Variants in UHRF2 observed in about 807,000 individuals in gnomAD.
UHRF2 encodes the protein E3 ubiquitin-protein ligase UHRF2.
In UHRF2, 23 loss-of-function variants were observed where a neutral mutation model predicts 96.8. The observed-to-expected ratio is 0.24, with a 90% confidence interval of 0.17 to 0.34. The LOEUF (loss-of-function observed/expected upper bound fraction) is 0.34. Ranked by LOEUF, UHRF2 falls within the 10% of genes least tolerant of loss-of-function variation. UHRF2 has a pLI of 1.00. For synonymous variants in UHRF2, 385 were observed against 332.6 expected, an observed-to-expected ratio of 1.16 and a Z score of -1.72; for missense variants, 685 against 981.5, an observed-to-expected ratio of 0.70 and a Z score of 4.04.
chr9:6,479,251 T>G (rs1441295242), intron 6 of UHRF2, among the ~76,000 whole-genome samples: 1 of 152,164 alleles, frequency 6.6e-6, no homozygotes, highest in Non-Finnish European at 1.5e-5. Context: ...TAGCTTTCCT[T>G]CCACTGTATC....
At chr9:6,449,017 T>C (rs567235000) in intron 3 of UHRF2, among the ~76,000 whole-genome samples, 15 of 152,334 alleles carry the variant, frequency 9.8e-5, no homozygotes, top group Non-Finnish European at 1.5e-4. Context: ...CAATTTTGTC[T>C]TTACCTTTAC....
intron 3 of UHRF2, among the ~76,000 whole-genome samples, chr9:6,456,305 C>A (rs2130833353): frequency 6.6e-6 from 1 of 152,138 alleles, no homozygotes; most frequent in East Asian, 1.9e-4. Flanking sequence ...AGCTTTTTTT[C>A]ATATGTTTGT....
chr9:6,487,616 C>T (rs568186839), intron 9 of UHRF2, among the ~76,000 whole-genome samples: 7 of 152,368 alleles, frequency 4.6e-5, no homozygotes, highest in African/African-American at 1.4e-4. Flanking sequence ...ATCCTCCCGC[C>T]TTGGCCTCCC....
chr9:6,451,002 A>G (rs1210825150), intron 3 of UHRF2, among the ~76,000 whole-genome samples: 3 of 152,198 alleles, frequency 2.0e-5, no homozygotes, highest in African/African-American at 7.2e-5. Flanking sequence ...TGATAGTTCC[A>G]ATTAAATTTA....
chr9:6,419,140 A>G (rs1213980327), intron 1 of UHRF2, among the ~76,000 whole-genome samples: 1 of 152,196 alleles, frequency 6.6e-6, no homozygotes, highest in Non-Finnish European at 1.5e-5. Flanking sequence ...ATTCTGAGGT[A>G]CTGGGGGTTA....
At chr9:6,451,475 TTTTG>T (rs1391751145) in intron 3 of UHRF2, among the ~76,000 whole-genome samples, 25 of 146,272 alleles carry the variant, frequency 1.7e-4, no homozygotes, top group Non-Finnish European at 1.9e-4. Flanking sequence ...TGTTTTTTTT[TTTTG>T]TTTGTTTGTT....
At chr9:6,471,148 A>G (rs1468813229) in intron 4 of UHRF2, among the ~76,000 whole-genome samples, 2 of 152,232 alleles carry the variant, frequency 1.3e-5, no homozygotes, top group Non-Finnish European at 2.9e-5. Context: ...ATATTACTAA[A>G]TTATCTAATT....
At position 6,489,737 on chromosome 9, in the gene UHRF2, T is replaced by G. The variant is rs954950692; in HGVS notation, c.1497+2812T>G. Among the ~76,000 whole-genome samples, 14 of 151,462 alleles carry G rather than the reference T, an allele frequency of 9.2e-5. 1 individual carries two copies. Among genetic ancestry groups the G allele is most frequent in the South Asian group, 4.2e-4 (2 of 4,816 alleles). On this transcript the variant is annotated intron_variant, in intron 9 of 15. Coordinates refer to ENST00000276893, the MANE Select transcript of UHRF2 (RefSeq NM_152896.3). The stretch of plus-strand genomic sequence containing the variant: ...TTCTAATTGGGTTTTTGTTTTTTTT[T>G]TTTTTTTTTACCATTCATCAGATAT...
rs1171978950 is a variant in UHRF2 at position 6,487,182 on chromosome 9, C to CTTTT, written c.1497+279_1497+282dup. Among the ~76,000 whole-genome samples, 621 of 69,642 alleles carry CTTTT rather than the reference C, an allele frequency of 8.9e-3. 23 individuals are homozygous for CTTTT. The highest frequency in any genetic ancestry group is 0.014 in the African/African-American group (214 of 15,550). 45.7% of individuals were successfully genotyped at this position (69,642 alleles called of 152,430 possible). A position where few individuals can be genotyped will look rare whatever the true frequency, so the allele number is the denominator to read the frequency against. ...TCTATAGAGCTTTTATTTTTTTTTC[C>CTTTT]TTTTTTTTTTTTTTTTTTTTTTTTT... is the stretch of plus-strand genomic sequence containing the variant. On this transcript the variant is annotated intron_variant, in intron 9 of 15. Transcript: ENST00000276893.
intron 3 of UHRF2, among the ~76,000 whole-genome samples, chr9:6,447,128 A>G (rs1821565129): frequency 6.6e-6 from 1 of 152,078 alleles, no homozygotes; most frequent in African/African-American, 2.4e-5. Flanking sequence ...TGACCTCATG[A>G]TCTGCCCGCT....
At position 6,506,044 on chromosome 9, in the gene UHRF2, G is replaced by A; in HGVS notation, c.2274G>A (p.Gln758=). 1 of 1,614,154 alleles carries A rather than the reference G, an allele frequency of 6.2e-7. No homozygotes were observed. Among genetic ancestry groups the A allele is most frequent in the Non-Finnish European group, 8.5e-7 (1 of 1,180,038 alleles). Residue 758 remains glutamine, a synonymous_variant, in exon 16 of 16, where the codon CAG becomes CAA. Coordinates refer to ENST00000276893, the MANE Select transcript of UHRF2 (RefSeq NM_152896.3). Reference sequence around the variant, plus strand: ...TGTTTTTACCATAGGATTGCCTACAGCGCTCCTTTAAGGCACAGGTTTTCT... The same window carrying A: ...TGTTTTTACCATAGGATTGCCTACAACGCTCCTTTAAGGCACAGGTTTTCT... ...CFHNVCKDCL[Q]RSFKAQVFSC...
intron 9 of UHRF2, among the ~76,000 whole-genome samples, chr9:6,493,263 A>C (rs1824774432): frequency 6.6e-6 from 1 of 152,006 alleles, no homozygotes; most frequent in South Asian, 2.1e-4. Context: ...GTGCCACCGC[A>C]CTCCAGCCTG....
intron 2 of UHRF2, 109 bp downstream of exon 2, chr9:6,421,251 G>T: frequency 1.2e-6 from 1 of 840,362 alleles, no homozygotes. Context: ...AGTAAAGATT[G>T]GGATGTTAAT....
At chr9:6,437,167 T>A (rs1242516666) in intron 3 of UHRF2, among the ~76,000 whole-genome samples, 5 of 152,218 alleles carry the variant, frequency 3.3e-5, no homozygotes, top group Non-Finnish European at 7.4e-5. Flanking sequence ...CAAGTTCTTC[T>A]TTGAATGGAG....
intron 4 of UHRF2, among the ~76,000 whole-genome samples, chr9:6,469,556 A>G (rs1327314445): frequency 6.6e-6 from 1 of 151,842 alleles, no homozygotes; most frequent in African/African-American, 2.4e-5. Context: ...AACAAATAAG[A>G]CACAGCAGAA....
At chr9:6,479,898 G>A (rs1036902249) in intron 6 of UHRF2, among the ~76,000 whole-genome samples, 2 of 151,908 alleles carry the variant, frequency 1.3e-5, no homozygotes, top group African/African-American at 2.4e-5. Context: ...CTTCTGTAAC[G>A]GATGTCTAAC....
chr9:6,419,118 A>G (rs1429352317), intron 1 of UHRF2, among the ~76,000 whole-genome samples: 2 of 152,204 alleles, frequency 1.3e-5, no homozygotes, highest in African/African-American at 4.8e-5. Context: ...CCCTATCTCA[A>G]AATGAAGTCA....
At chr9:6,481,545 C>T (rs1217051550) in intron 6 of UHRF2, 98 bp from the exon 7 acceptor site, 2 of 1,387,488 alleles carry the variant, frequency 1.4e-6, no homozygotes, top group Non-Finnish European at 2.0e-6. Flanking sequence ...CCAAATAATA[C>T]ATCTTAAAAC....
intron 1 of UHRF2, chr9:6,414,145 C>T (rs1405680979): frequency 1.3e-5 from 2 of 152,452 alleles, no homozygotes; most frequent in Non-Finnish European, 2.9e-5. Context: ...AGAATAAGAA[C>T]CCTAACTCTG....
Sources: gnomAD v4.1 joint callset for allele counts (sites outside exome capture counted in the v4.1 genomes callset) on GRCh38, gnomAD v4.1.1 for gene constraint, MANE v1.5 for transcripts, NCBI Gene and HGNC (gene_info 2026-07-23, HGNC 2026-07-21) for gene names.